NRXN3: variants seen among roughly 807,000 people sequenced by gnomAD.
NRXN3 encodes neurexin III.
Under a neutral mutation model 137.6 loss-of-function variants are expected in NRXN3, and 32 were observed. That is an observed-to-expected ratio of 0.23 (90% CI 0.18 to 0.31). The LOEUF (loss-of-function observed/expected upper bound fraction) is 0.31. Ranked by LOEUF, NRXN3 falls within the 10% of genes least tolerant of loss-of-function variation. The pLI, the probability that NRXN3 is intolerant of heterozygous loss-of-function variation, is 1.00. For synonymous variants in NRXN3, 798 were observed against 784.5 expected (o/e 1.02, Z -0.29); for missense variants, 1,574 against 2,062.5 (o/e 0.76, Z 4.59).
At chr14:78,238,796 C>T (rs2066689586) in intron 1 of NRXN3, among the ~76,000 whole-genome samples, 1 of 152,154 alleles carries the variant, frequency 6.6e-6, no homozygotes, top group Non-Finnish European at 1.5e-5. Flanking sequence ...ATGGTGGTAT[C>T]CCCCAGTGCT....
At chr14:79,280,035 C>G (rs947001354) in intron 15 of NRXN3, 2 of 1,298,008 alleles carry the variant, frequency 1.5e-6, no homozygotes, top group African/African-American at 3.0e-5. Flanking sequence ...TTTGCTATAC[C>G]TGGGAGGACC....
chr14:79,070,631 G>T (rs890820742), intron 15 of NRXN3, among the ~76,000 whole-genome samples: 5 of 152,092 alleles, frequency 3.3e-5, no homozygotes, highest in Non-Finnish European at 5.9e-5. Context: ...AGAGTTCAAA[G>T]ATTTACCATT....
chr14:78,795,823 T>TA (rs1198402591), intron 8 of NRXN3, among the ~76,000 whole-genome samples: 3 of 152,124 alleles, frequency 2.0e-5, no homozygotes, highest in African/African-American at 7.2e-5. Context: ...CACACACATT[T>TA]AAAAAATTGT....
intron 20 of NRXN3, among the ~76,000 whole-genome samples, chr14:79,805,890 A>C (rs557925672): frequency 6.6e-6 from 1 of 152,268 alleles, no homozygotes; most frequent in South Asian, 2.1e-4. Context: ...CAGAAGCTTC[A>C]ATGTGTTCCC....
chr14:79,196,469 T>G (rs1001974875), intron 15 of NRXN3, among the ~76,000 whole-genome samples: 3 of 152,102 alleles, frequency 2.0e-5, no homozygotes, highest in Non-Finnish European at 4.4e-5. Flanking sequence ...ATGACACTGA[T>G]CCATTCATGA....
intron 15 of NRXN3, among the ~76,000 whole-genome samples, chr14:79,156,453 G>C (rs1487056884): frequency 6.6e-6 from 1 of 151,672 alleles, no homozygotes; most frequent in Non-Finnish European, 1.5e-5. Context: ...TGTACCATTG[G>C]AAAATGAAAT....
intron 19 of NRXN3, among the ~76,000 whole-genome samples, chr14:79,761,426 C>T (rs1203839712): frequency 1.3e-5 from 2 of 151,582 alleles, no homozygotes; most frequent in Non-Finnish European, 2.9e-5. Context: ...AACCTTTCTC[C>T]TTAGGCCATG....
intron 1 of NRXN3, among the ~76,000 whole-genome samples, chr14:78,189,430 G>A (rs1305817386): frequency 6.6e-6 from 1 of 151,952 alleles, no homozygotes; most frequent in African/African-American, 2.4e-5. Context: ...GTGTCCCCTG[G>A]GCCTGGCCCT....
At chr14:79,422,018 T>C (rs2095583521) in intron 15 of NRXN3, among the ~76,000 whole-genome samples, 1 of 152,136 alleles carries the variant, frequency 6.6e-6, no homozygotes, top group Admixed American at 6.5e-5. Context: ...CTTGCTCTTA[T>C]CATTTCAAAG....
intron 4 of NRXN3, among the ~76,000 whole-genome samples, chr14:78,433,370 A>G (rs1221893070): frequency 6.6e-6 from 1 of 151,998 alleles, no homozygotes; most frequent in Non-Finnish European, 1.5e-5. Flanking sequence ...ATGTGATTCT[A>G]TTGGGCCCAC....
intron 10 of NRXN3, among the ~76,000 whole-genome samples, chr14:78,900,592 G>A (rs1334364174): frequency 6.6e-6 from 1 of 151,618 alleles, no homozygotes; most frequent in Non-Finnish European, 1.5e-5. Context: ...ACAAATATAT[G>A]TAATGTCATT....
At chr14:79,609,758 C>T (rs1212082668) in intron 16 of NRXN3, among the ~76,000 whole-genome samples, 2 of 152,080 alleles carry the variant, frequency 1.3e-5, no homozygotes. Flanking sequence ...TTTAAGAATA[C>T]CAAAACGAAT....
chr14:78,182,593 C>G (rs2059907424), intron 1 of NRXN3, among the ~76,000 whole-genome samples: 1 of 152,122 alleles, frequency 6.6e-6, no homozygotes, highest in Non-Finnish European at 1.5e-5. Flanking sequence ...CCTCAGCCTC[C>G]CGAGTAGCTG....
chr14:78,696,728 C>A (rs780978611), intron 6 of NRXN3, among the ~76,000 whole-genome samples: 2 of 152,020 alleles, frequency 1.3e-5, no homozygotes, highest in Non-Finnish European at 2.9e-5. Flanking sequence ...AATAGTGCCT[C>A]CTTCTTTTAT....
At chr14:79,401,440 C>G (rs932766846) in intron 15 of NRXN3, among the ~76,000 whole-genome samples, 5 of 152,198 alleles carry the variant, frequency 3.3e-5, no homozygotes, top group African/African-American at 1.2e-4. Context: ...CTCAGAAACT[C>G]TGACGTGGGG....
intron 15 of NRXN3, among the ~76,000 whole-genome samples, chr14:79,439,865 T>C (rs905600416): frequency 6.6e-6 from 1 of 152,232 alleles, no homozygotes; most frequent in African/African-American, 2.4e-5. Context: ...ATAATAATCA[T>C]TAATTTATAC....
intron 16 of NRXN3, among the ~76,000 whole-genome samples, chr14:79,658,744 T>C (rs1258019864): frequency 6.6e-6 from 1 of 152,210 alleles, no homozygotes; most frequent in Non-Finnish European, 1.5e-5. Context: ...ATTTACATAT[T>C]GCCTTCCTTG....
At chr14:78,564,964 T>C (rs2096824000) in intron 4 of NRXN3, among the ~76,000 whole-genome samples, 1 of 152,224 alleles carries the variant, frequency 6.6e-6, no homozygotes, top group South Asian at 2.1e-4. Context: ...CCTCTCTGAA[T>C]TTCTAAAGTG....
At chr14:79,680,168 C>T (rs190091406) in intron 17 of NRXN3, among the ~76,000 whole-genome samples, 1 of 152,232 alleles carries the variant, frequency 6.6e-6, no homozygotes, top group East Asian at 1.9e-4. Context: ...TAAACTTTAA[C>T]AGGGGCTGAA....
Sources: allele counts gnomAD v4.1 joint callset (sites outside exome capture counted in the v4.1 genomes callset), GRCh38; gene constraint gnomAD v4.1.1; transcripts MANE v1.5; gene names NCBI Gene and HGNC (gene_info 2026-07-23, HGNC 2026-07-21).